Variants in MCTS1 observed in about 807,000 individuals in gnomAD.
MCTS1 encodes malignant T-cell-amplified sequence 1.
For synonymous variants in MCTS1, 26 were observed against 40.8 expected (o/e 0.64, Z 1.38); for missense variants, 55 against 128.6 (o/e 0.43, Z 2.77).
Position 120,612,667 on chromosome X carries a change from GTGTGTGTGTGTGTGTGTGTA to G in MCTS1, c.*423_*442del, listed in dbSNP as rs1170568210. On this transcript the variant is annotated 3_prime_UTR_variant, in exon 6 of 6. Coordinates refer to ENST00000371317, the MANE Select transcript of MCTS1 (RefSeq NM_014060.3). ...CCCAGCAGTGCTCATTCTCGTGTGT[GTGTGTGTGTGTGTGTGTGTA>G]TGTGTGTGTGTGTGTGTGTGTGTGT... Among the ~76,000 whole-genome samples the G allele has an allele frequency of 1.7e-3, 117 of 68,955 alleles. 1 individual carries two copies. The highest frequency in any genetic ancestry group is 7.6e-3 in the African/African-American group (106 of 13,908). 59.9% of individuals were successfully genotyped at this position (68,955 alleles called of 115,157 possible). A position where few individuals can be genotyped will look rare whatever the true frequency, so the allele number is the denominator to read the frequency against.
intron 5 of MCTS1, 191 bp downstream of exon 5, chrX:120,611,269 C>A: frequency 2.5e-6 from 1 of 392,313 alleles, no homozygotes; most frequent in Non-Finnish European, 4.4e-6. Flanking sequence ...GGATTGTAGT[C>A]TTTCTTAAGC....
intron 4 of MCTS1, 88 bp downstream of exon 4, chrX:120,608,446 A>C: frequency 1.0e-6 from 1 of 972,563 alleles, no homozygotes; most frequent in African/African-American, 1.9e-5. Context: ...AGAGAACATT[A>C]GATGTACTTT....
In MCTS1 at chrX:120,619,127, T is replaced by C. The variant is rs1196871687; in HGVS notation, c.*6863T>C. On this transcript the variant is annotated 3_prime_UTR_variant, in exon 6 of 6. Transcript: ENST00000371317. ...ACTTATGAATTTCTTAAAAATAGTT[T>C]TTAAAAAGCTGTTTCAGGAAAAGCT... Among the ~76,000 whole-genome samples the C allele has an allele frequency of 8.9e-6, 1 of 112,322 alleles. No individual in the cohort carries two copies. The highest frequency in any genetic ancestry group is 1.9e-5 in the Non-Finnish European group (1 of 53,311).
At chrX:120,604,382 A>G in intron 1 of MCTS1, 135 bp downstream of exon 1, 3 of 831,432 alleles carry the variant, frequency 3.6e-6, no homozygotes, top group Middle Eastern at 2.9e-4. Context: ...TTTCTATAGT[A>G]CTATGCTCTC....
At position 120,619,581 on chromosome X, in the gene MCTS1, G is replaced by A. The variant is rs1926956055; in HGVS notation, c.*7317G>A. On this transcript the variant is annotated 3_prime_UTR_variant, in exon 6 of 6. Coordinates refer to ENST00000371317, the MANE Select transcript of MCTS1 (RefSeq NM_014060.3). ...AAGTCTCCTTGTCTGCAAATCCTGTGTTTTGCAGAAAACTCTCCTCTTGTA... is the reference window on the plus strand; with the variant it reads ...AAGTCTCCTTGTCTGCAAATCCTGTATTTTGCAGAAAACTCTCCTCTTGTA... Among the ~76,000 whole-genome samples the A allele has an allele frequency of 9.1e-6, 1 of 110,208 alleles. No individual in the cohort carries two copies. The highest frequency in any genetic ancestry group is 3.3e-5 in the African/African-American group (1 of 30,306).
In MCTS1 at chrX:120,618,176, GAC is replaced by G. The variant is rs1294009308; in HGVS notation, c.*5915_*5916del. Among the ~76,000 whole-genome samples the G allele has an allele frequency of 8.9e-6, 1 of 112,633 alleles. No homozygotes were observed. The highest frequency in any genetic ancestry group is 2.8e-4 in the East Asian group (1 of 3,620). On this transcript the variant is annotated 3_prime_UTR_variant, in exon 6 of 6. Transcript: ENST00000371317. ...AGTCCTTGAGTGAGCTTAAATTTGA[GAC>G]ACTTTTAAAAGCGGCATGTAGTTCC...
chrX:120,605,646 C>A, intron 2 of MCTS1, 87 bp downstream of exon 2: 2 of 902,545 alleles, frequency 2.2e-6, no homozygotes, highest in Non-Finnish European at 3.0e-6. Context: ...GAATTATTTT[C>A]AGATTAACTA....
At position 120,617,661 on chromosome X, in the gene MCTS1, G is replaced by T. The variant is rs1019671784; in HGVS notation, c.*5397G>T. 1.8e-5 allele frequency among the ~76,000 whole-genome samples: 2 copies of T among 111,931 alleles called. No individual in the cohort carries two copies. Among genetic ancestry groups the T allele is most frequent in the African/African-American group, 3.2e-5 (1 of 30,811 alleles). On this transcript the variant is annotated 3_prime_UTR_variant, in exon 6 of 6. Transcript: ENST00000371317. The stretch of plus-strand genomic sequence containing the variant: ...ATCAATTACTCCCTTAAAGTTCATT[G>T]TAAGTGTTCTCAGAACTCTACCACC...
At chrX:120,604,825 T>C (rs898835748) in intron 1 of MCTS1, 1 of 1,154,961 alleles carries the variant, frequency 8.7e-7, no homozygotes. Context: ...CCTTCCAGAT[T>C]TGGTAGACGC....
At position 120,614,367 on chromosome X, in the gene MCTS1, G is replaced by A. The variant is rs958918014; in HGVS notation, c.*2103G>A. Reference sequence around the variant, plus strand: ...TTCAGTTGTGCTGAGGTAAGACTTGGAGAATTTTTCCTGCTTCATCATTAA... The same window carrying A: ...TTCAGTTGTGCTGAGGTAAGACTTGAAGAATTTTTCCTGCTTCATCATTAA... On this transcript the variant is annotated 3_prime_UTR_variant, in exon 6 of 6. Transcript: ENST00000371317. 8.9e-6 allele frequency among the ~76,000 whole-genome samples: 1 copy of A among 112,037 alleles called. No homozygotes were observed.
intron 4 of MCTS1, 136 bp from the exon 5 acceptor site, chrX:120,610,875 T>C: frequency 1.8e-6 from 1 of 553,391 alleles, no homozygotes; most frequent in Non-Finnish European, 3.0e-6. Context: ...TCTCAAGGAG[T>C]TAATGGTCTA....
At chrX:120,606,848 C>G (rs1245479201) in intron 3 of MCTS1, among the ~76,000 whole-genome samples, 3 of 101,331 alleles carry the variant, frequency 3.0e-5, no homozygotes, top group African/African-American at 1.1e-4. Context: ...AGGCATTCAG[C>G]TAGGTGCTGA....
At position 120,612,375 on chromosome X, in the gene MCTS1, C is replaced by T; in HGVS notation, c.*111C>T. 1 of 520,441 alleles carries T rather than the reference C, an allele frequency of 1.9e-6. No homozygotes were observed. The highest frequency in any genetic ancestry group is 3.9e-5 in the East Asian group (1 of 25,653). 42.9% of individuals were successfully genotyped at this position (520,441 alleles called of 1,213,427 possible). ...CCTGTGGTTATGCTGAATAAATTCA[C>T]CAGATGCTAAAATTCTGTTAGCTTC... On this transcript the variant is annotated 3_prime_UTR_variant, in exon 6 of 6. Coordinates refer to ENST00000371317, the MANE Select transcript of MCTS1 (RefSeq NM_014060.3).
chrX:120,610,892 G>T lies in MCTS1; in HGVS notation c.397-119G>T, dbSNP rs1926670127. The T allele has an allele frequency of 1.2e-5, 8 of 681,491 alleles. No individual in the cohort carries two copies. In the Middle Eastern group the frequency reaches 1.5e-3, roughly 130 times the overall value. The allele number at this position is 681,491 out of a possible 1,213,427, so 56.2% of individuals were successfully genotyped here. A position where few individuals can be genotyped will look rare whatever the true frequency, so the allele number is the denominator to read the frequency against. On this transcript the variant is annotated intron_variant, in intron 4 of 5. Coordinates refer to ENST00000371317, the MANE Select transcript of MCTS1 (RefSeq NM_014060.3). ...TCAAGGAGTTAATGGTCTAGGAGAA[G>T]ACACAAGAGGGGTTCCAAGTGGCTT...
Position 120,612,467 on chromosome X carries a change from A to AATGAG in MCTS1, c.*203_*204insATGAG, listed in dbSNP as rs1337333483. On this transcript the variant is annotated 3_prime_UTR_variant, in exon 6 of 6. Coordinates refer to ENST00000371317, the MANE Select transcript of MCTS1 (RefSeq NM_014060.3). ...GTAGCAAACTTGGACATTAAAAGGT[A>AATGAG]TCTGGTAAGTAAGCAAACTCATACA... is the stretch of plus-strand genomic sequence containing the variant. 2 of 369,599 alleles carry AATGAG rather than the reference A, an allele frequency of 5.4e-6. No individual in the cohort carries two copies. The highest frequency in any genetic ancestry group is 5.2e-5 in the African/African-American group (2 of 38,105). The allele number at this position is 369,599 out of a possible 1,213,427, so 30.5% of individuals were successfully genotyped here.
chrX:120,607,660 A>G (rs2147372947), intron 3 of MCTS1, among the ~76,000 whole-genome samples: 1 of 111,515 alleles, frequency 9.0e-6, no homozygotes, highest in South Asian at 3.7e-4. Context: ...CTTAGTTTAC[A>G]TTAGGGTTTA....
intron 1 of MCTS1, chrX:120,604,699 C>T: frequency 9.7e-6 from 10 of 1,034,317 alleles, no homozygotes; most frequent in Non-Finnish European, 1.2e-5. Flanking sequence ...AGCAAGCGGC[C>T]TGTCATGCCT....
rs890092810 is a variant in MCTS1 at position 120,615,126 on chromosome X, T to C, written c.*2862T>C. Among the ~76,000 whole-genome samples the C allele has an allele frequency of 3.6e-5, 4 of 112,124 alleles. No individual in the cohort carries two copies. Among genetic ancestry groups the C allele is most frequent in the Admixed American group, 1.9e-4 (2 of 10,486 alleles). ...TTGTCATTTTCTAAACATTAGGTCA[T>C]ACATGAAAGGCAATTCAAAGAGATT... On this transcript the variant is annotated 3_prime_UTR_variant, in exon 6 of 6. Coordinates refer to ENST00000371317, the MANE Select transcript of MCTS1 (RefSeq NM_014060.3).
chrX:120,606,057 C>T, intron 2 of MCTS1, 22 bp from the exon 3 acceptor site: 1 of 935,815 alleles, frequency 1.1e-6, no homozygotes, highest in Non-Finnish European at 1.5e-6. Flanking sequence ...TAACTTGGTA[C>T]TTTGTGACAT....
Sources: allele counts gnomAD v4.1 joint callset (sites outside exome capture counted in the v4.1 genomes callset), GRCh38; gene constraint gnomAD v4.1.1; transcripts MANE v1.5; gene names NCBI Gene and HGNC (gene_info 2026-07-23, HGNC 2026-07-21).